The following CD109 variants were observed in gnomAD, a reference collection of about 807,000 sequenced individuals.
The protein encoded by CD109 is CD109 molecule, also known as CD109 antigen.
A neutral mutation model predicts 165.8 loss-of-function variants in CD109; 149 were observed. That is an observed-to-expected ratio of 0.90 (90% CI 0.79 to 1.03). The LOEUF (loss-of-function observed/expected upper bound fraction) is 1.03, where lower values mean the gene tolerates loss of function less well. Ranked by LOEUF, CD109 falls within the 50% of genes least tolerant of loss-of-function variation. CD109 has a pLI of 0.00. For synonymous variants in CD109, 585 were observed against 592.1 expected (o/e 0.99, Z 0.18); for missense variants, 1,712 against 1,677.8 (o/e 1.02, Z -0.36).
At chr6:73,814,095 G>T (rs1221109900) in intron 29 of CD109, among the ~76,000 whole-genome samples, 1 of 152,116 alleles carries the variant, frequency 6.6e-6, no homozygotes, top group Non-Finnish European at 1.5e-5. Flanking sequence ...TTTGAAAAAT[G>T]AAGGCTTAGA....
chr6:73,812,698 A>G (rs1254938176), intron 29 of CD109, among the ~76,000 whole-genome samples: 1 of 152,118 alleles, frequency 6.6e-6, no homozygotes, highest in African/African-American at 2.4e-5. Context: ...TTAAAGCATA[A>G]TTATGCTCAA....
intron 32 of CD109, among the ~76,000 whole-genome samples, chr6:73,821,849 G>T (rs1367326151): frequency 6.6e-6 from 1 of 152,112 alleles, no homozygotes; most frequent in Admixed American, 6.6e-5. Flanking sequence ...TAACAAACTT[G>T]TACATGTACC....
At chr6:73,723,931 C>G (rs1425370201) in intron 3 of CD109, among the ~76,000 whole-genome samples, 1 of 152,126 alleles carries the variant, frequency 6.6e-6, no homozygotes, top group Non-Finnish European at 1.5e-5. Context: ...GGCTGGTTTG[C>G]TCCTGCTTCT....
At chr6:73,689,987 CTAAT>C in the CD109 span, among the ~76,000 whole-genome samples, 111 of 152,248 alleles carry the variant, frequency 7.3e-4, no homozygotes, top group African/African-American at 2.4e-3. Flanking sequence ...ATCAACACAA[CTAAT>C]TATTTTTCAC....
chr6:73,729,048 C>T (rs577795731), intron 3 of CD109, among the ~76,000 whole-genome samples: 2 of 152,316 alleles, frequency 1.3e-5, no homozygotes, highest in South Asian at 2.1e-4. Context: ...GCAGCTCATT[C>T]ACTAGGCTGA....
chr6:73,685,986 C>A, the CD109 span, among the ~76,000 whole-genome samples: 2 of 152,168 alleles, frequency 1.3e-5, no homozygotes, highest in African/African-American at 4.8e-5. Context: ...AGTATGCATT[C>A]TTGTCTTATT....
At chr6:73,810,254 T>A (rs1214955060) in intron 27 of CD109, 80 bp downstream of exon 27, 2 of 332,926 alleles carry the variant, frequency 6.0e-6, no homozygotes, top group Non-Finnish European at 9.6e-6. Context: ...ATATATAATA[T>A]ATAGTATATA....
intron 30 of CD109, among the ~76,000 whole-genome samples, chr6:73,816,000 T>C (rs756008644): frequency 1.4e-4 from 22 of 152,198 alleles, no homozygotes; most frequent in African/African-American, 4.6e-4. Flanking sequence ...TAGAAGTCCC[T>C]GATGTGGTCC....
intron 3 of CD109, among the ~76,000 whole-genome samples, chr6:73,725,392 G>C (rs1228718078): frequency 6.6e-6 from 1 of 151,922 alleles, no homozygotes; most frequent in Non-Finnish European, 1.5e-5. Flanking sequence ...CGGAAGTGTA[G>C]AAAGGCTGAA....
chr6:73,718,235 T>G (rs1771816265), intron 2 of CD109, among the ~76,000 whole-genome samples: 1 of 152,184 alleles, frequency 6.6e-6, no homozygotes, highest in African/African-American at 2.4e-5. Flanking sequence ...TTGCCTGCCC[T>G]TCATTTCTTT....
At position 73,747,883 on chromosome 6, in the gene CD109, C is replaced by CT. The variant is rs34248513; in HGVS notation, c.634-8748dup. Among the ~76,000 whole-genome samples the CT allele has an allele frequency of 8.6e-3, 1,257 of 146,088 alleles. 18 individuals carry two copies. The highest frequency in any genetic ancestry group is 0.028 in the African/African-American group (1,117 of 40,094). The stretch of plus-strand genomic sequence containing the variant: ...CTTAAATAAATATATTTCTTTCTTT[C>CT]TTTTTTTTTTTTCCTACCCTGAGAC... On this transcript the variant is annotated intron_variant, in intron 5 of 32. Transcript: ENST00000287097.
chr6:73,771,564 G>T lies in CD109; in HGVS notation c.1810G>T (p.Asp604Tyr), dbSNP rs770178434. The change falls in exon 15 of 33, where the codon GAT becomes TAT. Residue 604 changes from aspartate (D) to tyrosine (Y), a missense_variant. Physicochemically the swap from Asp to Tyr is radical, Grantham distance 160. Transcript: ENST00000287097. ...KSVNLMNASN[D>Y]ITMENVVHEL... ...TGTGAATCTGATGAATGCCTCTAAT[G>T]ATATTACAATGGAAAATGTGAGTTT... 15 of 1,581,096 alleles carry T rather than the reference G, an allele frequency of 9.5e-6. No homozygotes were observed. The highest frequency in any genetic ancestry group is 2.7e-5 in the African/African-American group (2 of 73,234).
rs1009013342 is a variant in CD109, at chr6:73,696,358, G to C, written c.74+69G>C. 3.1e-6 allele frequency: 4 copies of C among 1,274,148 alleles called. No individual in the cohort carries two copies. The African/African-American group carries it at 6.4e-5, about 20-fold the overall frequency. 78.9% of individuals were successfully genotyped at this position (1,274,148 alleles called of 1,614,324 possible). On this transcript the variant is annotated intron_variant, in intron 1 of 32. Transcript: ENST00000287097. ...GGGCCGCTCTGCGGCTCTGGGCCAGGGCTTCGGGGAGGTGGCGGCTGCTGT... is the reference window on the plus strand; with the variant it reads ...GGGCCGCTCTGCGGCTCTGGGCCAGCGCTTCGGGGAGGTGGCGGCTGCTGT...
At chr6:73,819,395 T>A (rs1232150668) in intron 31 of CD109, among the ~76,000 whole-genome samples, 1 of 151,658 alleles carries the variant, frequency 6.6e-6, no homozygotes, top group African/African-American at 2.4e-5. Context: ...CTACTTGGTA[T>A]GTCTCAAAAC....
At chr6:73,735,829 G>A (rs1186314623) in intron 4 of CD109, among the ~76,000 whole-genome samples, 1 of 152,166 alleles carries the variant, frequency 6.6e-6, no homozygotes, top group Admixed American at 6.5e-5. Flanking sequence ...TCCTAAAGGA[G>A]AATTGTAATG....
intron 2 of CD109, among the ~76,000 whole-genome samples, chr6:73,715,312 T>C (rs554764255): frequency 2.0e-5 from 3 of 151,760 alleles, no homozygotes; most frequent in South Asian, 4.2e-4. Flanking sequence ...TCTGTAATCC[T>C]AGGGCCTTGG....
intron 22 of CD109, 50 bp downstream of exon 22, chr6:73,788,662 A>G (rs1246821655): frequency 2.0e-6 from 3 of 1,495,594 alleles, no homozygotes; most frequent in Non-Finnish European, 1.8e-6. Context: ...ATATGATCAT[A>G]TATGTTGTTC....
chr6:73,737,337 G>C (rs1291424514), intron 5 of CD109, among the ~76,000 whole-genome samples: 1 of 152,214 alleles, frequency 6.6e-6, no homozygotes, highest in Non-Finnish European at 1.5e-5. Flanking sequence ...GAATTGACCT[G>C]TATGAATGAG....
At chr6:73,757,402 G>A (rs1388128438) in intron 6 of CD109, among the ~76,000 whole-genome samples, 1 of 152,150 alleles carries the variant, frequency 6.6e-6, no homozygotes, top group Non-Finnish European at 1.5e-5. Flanking sequence ...GTACATGAAT[G>A]TTGCTGTGGT....
Sources: gnomAD v4.1 joint callset for allele counts (sites outside exome capture counted in the v4.1 genomes callset) on GRCh38, gnomAD v4.1.1 for gene constraint, MANE v1.5 for transcripts, NCBI Gene and HGNC (gene_info 2026-07-23, HGNC 2026-07-21) for gene names.